HS6ST2: variants seen among roughly 807,000 people sequenced by gnomAD.
The protein encoded by HS6ST2 is heparan-sulfate 6-O-sulfotransferase 2.
Under a neutral mutation model 33.0 loss-of-function variants are expected in HS6ST2, and 17 were observed. The observed-to-expected ratio is 0.52, with a 90% CI of 0.35 to 0.77. HS6ST2 has a LOEUF of 0.77. Among genes scored for constraint, HS6ST2 ranks in the 30% least tolerant of loss-of-function variants. The pLI is 0.01. For synonymous variants in HS6ST2, 248 were observed against 237.1 expected (o/e 1.05, Z -0.42); for missense variants, 519 against 551.7 (o/e 0.94, Z 0.59).
intron 2 of HS6ST2, among the ~76,000 whole-genome samples, chrX:132,798,876 T>A (rs1244087248): frequency 7.2e-5 from 8 of 111,675 alleles, no homozygotes; most frequent in African/African-American, 2.6e-4. Flanking sequence ...TTTATAATGA[T>A]CTGTTTACTT....
At chrX:132,694,910 G>A (rs1234836051) in intron 3 of HS6ST2, among the ~76,000 whole-genome samples, 5 of 111,268 alleles carry the variant, frequency 4.5e-5, no homozygotes, top group Admixed American at 2.9e-4. Flanking sequence ...TCACTGAGGC[G>A]GGGAAGATTG....
chrX:132,749,639 G>A (rs1286593919), intron 2 of HS6ST2, among the ~76,000 whole-genome samples: 1 of 112,076 alleles, frequency 8.9e-6, no homozygotes, highest in Non-Finnish European at 1.9e-5. Flanking sequence ...CGTGCTTATG[G>A]GAAATGGAAT....
chrX:132,924,021 A>C (rs1386900679), intron 2 of HS6ST2, among the ~76,000 whole-genome samples: 1 of 112,202 alleles, frequency 8.9e-6, no homozygotes, highest in Non-Finnish European at 1.9e-5. Flanking sequence ...ATTTTTTACA[A>C]TAACTATTCC....
chrX:132,791,983 C>T (rs775475603), intron 2 of HS6ST2, among the ~76,000 whole-genome samples: 5 of 109,609 alleles, frequency 4.6e-5, no homozygotes, highest in African/African-American at 1.7e-4. Flanking sequence ...AGCCTGTCTC[C>T]AGAAAAAAAA....
chrX:132,890,013 G>A (rs2066292312), intron 2 of HS6ST2, among the ~76,000 whole-genome samples: 1 of 111,489 alleles, frequency 9.0e-6, no homozygotes. Flanking sequence ...AAGAGTTAAG[G>A]TTCATAGGCA....
intron 2 of HS6ST2, among the ~76,000 whole-genome samples, chrX:132,772,611 T>A (rs1231525510): frequency 9.8e-6 from 1 of 101,583 alleles, no homozygotes; most frequent in Non-Finnish European, 1.9e-5. Context: ...GTACACAATA[T>A]AAATAATTGT....
At chrX:132,880,988 G>C (rs2066165557) in intron 2 of HS6ST2, among the ~76,000 whole-genome samples, 1 of 110,184 alleles carries the variant, frequency 9.1e-6, no homozygotes, top group African/African-American at 3.3e-5. Flanking sequence ...AGTATTCCAT[G>C]GTGTGTATGT....
intron 2 of HS6ST2, among the ~76,000 whole-genome samples, chrX:132,799,570 C>A (rs750402499): frequency 9.2e-6 from 1 of 108,840 alleles, no homozygotes; most frequent in Non-Finnish European, 1.9e-5. Flanking sequence ...TTGGTAGAAA[C>A]AGGGTCTCAC....
intron 2 of HS6ST2, among the ~76,000 whole-genome samples, chrX:132,877,612 A>G (rs946643007): frequency 1.5e-4 from 17 of 111,134 alleles, no homozygotes; most frequent in African/African-American, 5.2e-4. Context: ...ATGCTGCCCA[A>G]AAGGATCAGC....
intron 2 of HS6ST2, among the ~76,000 whole-genome samples, chrX:132,892,077 T>C (rs1355284607): frequency 8.9e-6 from 1 of 112,235 alleles, no homozygotes; most frequent in East Asian, 2.8e-4. Context: ...TGATCGCCAT[T>C]CTAACTGGTG....
intron 2 of HS6ST2, among the ~76,000 whole-genome samples, chrX:132,882,808 C>T (rs2066193399): frequency 9.0e-6 from 1 of 110,960 alleles, no homozygotes; most frequent in Non-Finnish European, 1.9e-5. Context: ...CCATCAATAC[C>T]TAATTTATTG....
intron 2 of HS6ST2, among the ~76,000 whole-genome samples, chrX:132,710,334 A>T (rs1240061343): frequency 9.0e-6 from 1 of 111,316 alleles, no homozygotes; most frequent in Non-Finnish European, 1.9e-5. Context: ...ACACACACAC[A>T]CTCTCTTTGG....
At chrX:132,819,577 C>T (rs1486743868) in intron 2 of HS6ST2, among the ~76,000 whole-genome samples, 1 of 111,436 alleles carries the variant, frequency 9.0e-6, no homozygotes, top group African/African-American at 3.3e-5. Flanking sequence ...TCCTAGAGAT[C>T]CAACCTTTCT....
intron 2 of HS6ST2, among the ~76,000 whole-genome samples, chrX:132,779,197 T>C (rs906074564): frequency 6.3e-5 from 7 of 111,653 alleles, no homozygotes; most frequent in Non-Finnish European, 1.3e-4. Flanking sequence ...TTCAATCCAC[T>C]CTGAAAACAA....
chrX:132,765,418 ATG>A (rs35292964), intron 2 of HS6ST2, among the ~76,000 whole-genome samples: 4 of 108,480 alleles, frequency 3.7e-5, no homozygotes, highest in East Asian at 5.7e-4. Context: ...GTGTGTGTGC[ATG>A]TGTGTGTGTG....
chrX:132,940,801 A>T lies in HS6ST2; in HGVS notation c.947+16007T>A, dbSNP rs185406229. Among the ~76,000 whole-genome samples the T allele has an allele frequency of 2.7e-5, 3 of 111,940 alleles. No homozygotes were observed. In the Admixed American group the frequency reaches 2.8e-4, roughly 11 times the overall value. On this transcript the variant is annotated intron_variant, in intron 2 of 4. Coordinates refer to ENST00000370833, the MANE Select transcript of HS6ST2 (RefSeq NM_001394073.1). The stretch of plus-strand genomic sequence containing the variant: ...CACATCTCTCCATCTTGGGAGGTTT[A>T]CTGCATACAAGAGCCCCCTCTGTTA...
chrX:132,714,417 A>T (rs1019893263), intron 2 of HS6ST2, among the ~76,000 whole-genome samples: 2 of 110,387 alleles, frequency 1.8e-5, no homozygotes, highest in African/African-American at 6.6e-5. Flanking sequence ...GGATCAAGCG[A>T]TTCTCCTGCC....
chrX:132,936,746 A>G (rs1569505121), intron 2 of HS6ST2, among the ~76,000 whole-genome samples: 1 of 111,229 alleles, frequency 9.0e-6, no homozygotes. Context: ...ACTACTTGTC[A>G]GATACTATGC....
chrX:132,735,906 C>T (rs964579670), intron 2 of HS6ST2, among the ~76,000 whole-genome samples: 9 of 111,369 alleles, frequency 8.1e-5, no homozygotes, highest in African/African-American at 2.9e-4. Context: ...GTAATGCGAT[C>T]CTGGCTCACT....
Sources: gnomAD v4.1 joint callset for allele counts (sites outside exome capture counted in the v4.1 genomes callset) on GRCh38, gnomAD v4.1.1 for gene constraint, MANE v1.5 for transcripts, NCBI Gene and HGNC (gene_info 2026-07-23, HGNC 2026-07-21) for gene names.